GTF2F2: variants seen among roughly 807,000 people sequenced by gnomAD.
GTF2F2 encodes the protein ATP-dependent helicase GTF2F2.
A neutral mutation model predicts 42.2 loss-of-function variants in GTF2F2; 23 were observed. The observed-to-expected ratio is 0.55, with a 90% CI of 0.39 to 0.77. The LOEUF (loss-of-function observed/expected upper bound fraction) is 0.77, where lower values mean the gene tolerates loss of function less well. GTF2F2 is among the 30% of genes least tolerant of loss of function. GTF2F2 has a pLI of 0.00. For missense variants in GTF2F2, 261 were observed against 287.2 expected (o/e 0.91, Z 0.66); for synonymous variants, 105 against 100.8 (o/e 1.04, Z -0.25).
chr13:45,144,546 A>G (rs1593452909), intron 2 of GTF2F2, among the ~76,000 whole-genome samples: 2 of 132,150 alleles, frequency 1.5e-5, no homozygotes, highest in East Asian at 4.4e-4. Flanking sequence ...GGTTCACGCC[A>G]TTCTCCTGCC....
At chr13:45,150,594 T>C (rs1870437909) in intron 3 of GTF2F2, among the ~76,000 whole-genome samples, 1 of 148,922 alleles carries the variant, frequency 6.7e-6, no homozygotes, top group South Asian at 2.1e-4. Flanking sequence ...ATCTTAAAGA[T>C]ATAAAAGATA....
chr13:45,228,669 C>CTTTTT (rs57570023), intron 5 of GTF2F2, among the ~76,000 whole-genome samples: 30 of 108,282 alleles, frequency 2.8e-4, no homozygotes, highest in Admixed American at 3.8e-4. Flanking sequence ...CAGAGTTAAT[C>CTTTTT]TTTTTTTTTT....
chr13:45,182,437 C>G (rs1872212122), intron 4 of GTF2F2, among the ~76,000 whole-genome samples: 1 of 152,080 alleles, frequency 6.6e-6, no homozygotes, highest in Non-Finnish European at 1.5e-5. Context: ...CCAGATGACT[C>G]TAAAATAGCG....
At chr13:45,175,124 T>C (rs1285777545) in intron 4 of GTF2F2, among the ~76,000 whole-genome samples, 3 of 152,230 alleles carry the variant, frequency 2.0e-5, no homozygotes, top group African/African-American at 7.2e-5. Context: ...CAGCCTCTAG[T>C]AATCACTATT....
chr13:45,139,538 C>A (rs1050832581), intron 2 of GTF2F2, among the ~76,000 whole-genome samples: 6 of 152,162 alleles, frequency 3.9e-5, no homozygotes, highest in Admixed American at 2.6e-4. Context: ...TTTTCGGTCT[C>A]TGTTCACAAT....
intron 2 of GTF2F2, among the ~76,000 whole-genome samples, chr13:45,144,973 A>G (rs1294188264): frequency 6.6e-6 from 1 of 152,208 alleles, no homozygotes; most frequent in Non-Finnish European, 1.5e-5. Context: ...ACAACATAGA[A>G]TAACAATCCC....
intron 1 of GTF2F2, among the ~76,000 whole-genome samples, chr13:45,133,841 T>C (rs1406286881): frequency 6.6e-6 from 1 of 152,228 alleles, no homozygotes; most frequent in Non-Finnish European, 1.5e-5. Context: ...AGTCAAGTGC[T>C]GTCTTTGTTC....
intron 6 of GTF2F2, among the ~76,000 whole-genome samples, chr13:45,254,623 G>T (rs1203736874): frequency 6.6e-6 from 1 of 152,286 alleles, no homozygotes; most frequent in East Asian, 1.9e-4. Flanking sequence ...CAGTCCAGGT[G>T]TTGAACTTAG....
At chr13:45,140,139 G>A (rs1016943485) in intron 2 of GTF2F2, among the ~76,000 whole-genome samples, 5 of 149,944 alleles carry the variant, frequency 3.3e-5, no homozygotes, top group African/African-American at 1.2e-4. Flanking sequence ...TTCTCGTAGA[G>A]GCAGAGTCTC....
At chr13:45,155,175 G>GTTTT (rs1166550508) in intron 4 of GTF2F2, among the ~76,000 whole-genome samples, 8 of 152,166 alleles carry the variant, frequency 5.3e-5, no homozygotes, top group Non-Finnish European at 1.0e-4. Context: ...AAAAGCTACA[G>GTTTT]AACCACTACC....
intron 4 of GTF2F2, among the ~76,000 whole-genome samples, chr13:45,182,822 G>C (rs1168449562): frequency 3.9e-5 from 6 of 152,088 alleles, no homozygotes; most frequent in Non-Finnish European, 7.3e-5. Context: ...CTTCTTTCCT[G>C]GTTATCCCTC....
At chr13:45,144,858 T>C (rs1258843490) in intron 2 of GTF2F2, among the ~76,000 whole-genome samples, 1 of 152,190 alleles carries the variant, frequency 6.6e-6, no homozygotes, top group African/African-American at 2.4e-5. Flanking sequence ...ACTGATAATA[T>C]GATGACGGGA....
chr13:45,177,576 C>T (rs1017257431), intron 4 of GTF2F2, among the ~76,000 whole-genome samples: 2 of 152,098 alleles, frequency 1.3e-5, no homozygotes, highest in African/African-American at 4.8e-5. Context: ...ATCAGACAGA[C>T]TGTCTTAATA....
rs1331934269 is a variant in GTF2F2 at position 45,273,654 on chromosome 13, A to ATTTTTTTTTTTTTT, written c.630+6278_630+6279insTTTTTTTTTTTTTT. On this transcript the variant is annotated intron_variant, in intron 7 of 7. Coordinates refer to ENST00000340473, the MANE Select transcript of GTF2F2 (RefSeq NM_004128.3). ...CCCACTTGATTTTAAAGAGTGGTAA[A>ATTTTTTTTTTTTTT]ATTTTTTTTTTTTTTTTTGAGACGG... Among the ~76,000 whole-genome samples, 408 of 110,790 alleles carry ATTTTTTTTTTTTTT rather than the reference A, an allele frequency of 3.7e-3. 3 individuals carry two copies. The highest frequency in any genetic ancestry group is 5.6e-3 in the Non-Finnish European group (310 of 55,512). 72.7% of individuals were successfully genotyped at this position (110,790 alleles called of 152,430 possible).
chr13:45,131,152 G>A (rs1286680651), intron 1 of GTF2F2, among the ~76,000 whole-genome samples: 2 of 151,820 alleles, frequency 1.3e-5, no homozygotes, highest in Non-Finnish European at 2.9e-5. Flanking sequence ...AGGTTGTGGT[G>A]AGCCGAGATC....
intron 5 of GTF2F2, among the ~76,000 whole-genome samples, chr13:45,249,374 A>AT (rs200833719): frequency 2.9e-4 from 37 of 126,296 alleles, no homozygotes; most frequent in African/African-American, 7.9e-4. Flanking sequence ...AAATGAGTTT[A>AT]TTTTTAAAAA....
At chr13:45,142,024 C>T (rs1869951924) in intron 2 of GTF2F2, among the ~76,000 whole-genome samples, 1 of 152,196 alleles carries the variant, frequency 6.6e-6, no homozygotes, top group African/African-American at 2.4e-5. Context: ...TTGATCTCTT[C>T]CCTAGAGTAC....
intron 4 of GTF2F2, among the ~76,000 whole-genome samples, chr13:45,169,104 C>T (rs1871467779): frequency 6.6e-6 from 1 of 151,850 alleles, no homozygotes; most frequent in African/African-American, 2.4e-5. Flanking sequence ...ATCCGATCGC[C>T]TCGGCCTCCC....
At chr13:45,143,791 A>G (rs903409615) in intron 2 of GTF2F2, among the ~76,000 whole-genome samples, 1 of 152,190 alleles carries the variant, frequency 6.6e-6, no homozygotes, top group Non-Finnish European at 1.5e-5. Context: ...AATACTCGAA[A>G]AAAGGAGAGT....
Sources: allele counts gnomAD v4.1 joint callset (sites outside exome capture counted in the v4.1 genomes callset), GRCh38; gene constraint gnomAD v4.1.1; transcripts MANE v1.5; gene names NCBI Gene and HGNC (gene_info 2026-07-23, HGNC 2026-07-21).